PDE1C: variants seen among roughly 807,000 people sequenced by gnomAD.
PDE1C encodes phosphodiesterase 1C.
Under a neutral mutation model 93.1 loss-of-function variants are expected in PDE1C, and 62 were observed. The observed-to-expected ratio is 0.67, with a 90% CI of 0.54 to 0.82. The LOEUF (loss-of-function observed/expected upper bound fraction) is 0.82. PDE1C is among the 40% of genes least tolerant of loss of function. The probability of loss-of-function intolerance (pLI) is 0.00; values close to 1 mark genes in which losing one functional copy is unlikely to be tolerated. For synonymous variants in PDE1C, 325 were observed against 310.1 expected (o/e 1.05, Z -0.50); for missense variants, 742 against 884.6 (o/e 0.84, Z 2.04).
intron 2 of PDE1C, among the ~76,000 whole-genome samples, chr7:32,206,674 CA>C (rs1584957773): frequency 1.3e-5 from 2 of 152,206 alleles, no homozygotes; most frequent in East Asian, 3.9e-4. Context: ...ATGCGGCACC[CA>C]TGTGAGGTGC....
At chr7:32,078,212 C>G (rs932122665) in intron 3 of PDE1C, among the ~76,000 whole-genome samples, 1 of 152,178 alleles carries the variant, frequency 6.6e-6, no homozygotes, top group African/African-American at 2.4e-5. Context: ...TATCCAAGCT[C>G]CTAATTCTTC....
At chr7:32,404,850 G>A (rs16875954) in intron 1 of PDE1C, among the ~76,000 whole-genome samples, 1,875 of 152,254 alleles carry the variant, frequency 0.012, 42 homozygotes, top group African/African-American at 0.043. Flanking sequence ...ATGAACTGGC[G>A]TTGCACAGGC....
intron 3 of PDE1C, among the ~76,000 whole-genome samples, chr7:32,094,835 CT>C (rs1797665687): frequency 6.6e-6 from 1 of 152,210 alleles, no homozygotes; most frequent in Non-Finnish European, 1.5e-5. Context: ...CCAGCTCCAT[CT>C]CTTGTTTTGC....
intron 2 of PDE1C, among the ~76,000 whole-genome samples, chr7:32,189,309 T>C (rs1434435311): frequency 3.9e-5 from 6 of 152,234 alleles, no homozygotes; most frequent in Admixed American, 2.6e-4. Context: ...TGAAATACAC[T>C]TGACAAACAT....
intron 1 of PDE1C, among the ~76,000 whole-genome samples, chr7:32,319,723 T>C (rs1369845162): frequency 2.0e-5 from 3 of 152,214 alleles, no homozygotes; most frequent in East Asian, 1.9e-4. Flanking sequence ...CTGTCTTCAA[T>C]AGGTCTCTGC....
rs1789537246 is a variant in PDE1C, at chr7:31,825,522, G to C, written c.1286-535C>G. 2.0e-5 allele frequency among the ~76,000 whole-genome samples: 3 copies of C among 152,134 alleles called. No individual in the cohort carries two copies. The South Asian group carries it at 6.2e-4, about 31-fold the overall frequency. On this transcript the variant is annotated intron_variant, in intron 12 of 17. Coordinates refer to ENST00000396191, the MANE Select transcript of PDE1C (RefSeq NM_001191057.4). ...GGAGGCTTCTAAGTGTTCAGATAGA[G>C]GGTTGGGACTTAGGTGGACACTGGA...
In PDE1C at chr7:32,223,315, T is replaced by C. The variant is rs550535905; in HGVS notation, c.86-13776A>G. On this transcript the variant is annotated intron_variant, in intron 1 of 18. Coordinates refer to the PDE1C transcript ENST00000396193. ...ACAGACCGTTCCACGTGCACTTACA[T>C]GTGCAAACTCATGCAGTCTTTGTAA... is the stretch of plus-strand genomic sequence containing the variant. Among the ~76,000 whole-genome samples the C allele has an allele frequency of 5.3e-5, 8 of 152,364 alleles. No individual in the cohort carries two copies. The East Asian group carries it at 1.5e-3, about 29-fold the overall frequency.
the PDE1C span, among the ~76,000 whole-genome samples, chr7:31,678,864 G>A: frequency 4.6e-3 from 706 of 152,258 alleles, 4 homozygotes; most frequent in Non-Finnish European, 6.1e-3. Context: ...CAGCCTGGTC[G>A]AAGAGGTAAG....
chr7:31,886,410 G>A (rs1797883211), intron 2 of PDE1C, among the ~76,000 whole-genome samples: 1 of 152,146 alleles, frequency 6.6e-6, no homozygotes, highest in South Asian at 2.1e-4. Flanking sequence ...TATAATTAAT[G>A]ACAGCTGATT....
chr7:32,266,486 T>C (rs548992478), intron 1 of PDE1C, among the ~76,000 whole-genome samples: 3 of 150,518 alleles, frequency 2.0e-5, no homozygotes, highest in East Asian at 3.9e-4. Flanking sequence ...GGCAACAGAG[T>C]GAGACTCCGT....
chr7:32,033,140 C>A (rs1006893095), intron 2 of PDE1C, among the ~76,000 whole-genome samples: 3 of 152,108 alleles, frequency 2.0e-5, no homozygotes, highest in African/African-American at 7.2e-5. Context: ...AAGGGGCAGA[C>A]TCTCTCTTGA....
chr7:32,372,994 C>A lies in PDE1C; in HGVS notation c.310+54828G>T, dbSNP rs141994935. 9.9e-5 allele frequency among the ~76,000 whole-genome samples: 15 copies of A among 152,236 alleles called. 1 individual carries two copies. Among genetic ancestry groups the A allele is most frequent in the Admixed American group, 2.6e-4 (4 of 15,286 alleles). On this transcript the variant is annotated intron_variant, in intron 1 of 1. Transcript: ENST00000672256. ...GGAGAAGATGTGGAAAAATTAAAAC[C>A]CTAACATATTGTTAATGCAAATACA...
At chr7:31,639,068 C>T in the PDE1C span, among the ~76,000 whole-genome samples, 15 of 152,206 alleles carry the variant, frequency 9.9e-5, no homozygotes, top group African/African-American at 2.6e-4. Flanking sequence ...TGAGCCACTG[C>T]GCCCAGCCAG....
At chr7:32,182,496 T>C (rs1803512269) in intron 2 of PDE1C, among the ~76,000 whole-genome samples, 1 of 152,172 alleles carries the variant, frequency 6.6e-6, no homozygotes, top group Non-Finnish European at 1.5e-5. Flanking sequence ...TGGTTCAACA[T>C]ACGCAAATCA....
intron 7 of PDE1C, among the ~76,000 whole-genome samples, chr7:31,860,059 G>C (rs1050548897): frequency 6.6e-6 from 1 of 152,160 alleles, no homozygotes; most frequent in Non-Finnish European, 1.5e-5. Context: ...GGAAGTGCTG[G>C]AGGATTGGTA....
At chr7:31,980,110 T>C (rs902891784) in intron 2 of PDE1C, among the ~76,000 whole-genome samples, 1 of 152,166 alleles carries the variant, frequency 6.6e-6, no homozygotes, top group African/African-American at 2.4e-5. Flanking sequence ...TGCAGATGAC[T>C]GGTCTTCCAG....
At chr7:32,212,025 C>CAAAAA (rs35827566) in intron 1 of PDE1C, among the ~76,000 whole-genome samples, 13 of 81,204 alleles carry the variant, frequency 1.6e-4, no homozygotes, top group African/African-American at 2.3e-4. Flanking sequence ...GAACCTATCT[C>CAAAAA]AAAAAAAAAA....
At chr7:32,190,417 G>C (rs1250798065) in intron 2 of PDE1C, among the ~76,000 whole-genome samples, 2 of 152,186 alleles carry the variant, frequency 1.3e-5, no homozygotes, top group Non-Finnish European at 2.9e-5. Flanking sequence ...AGGTGTGCTA[G>C]ACATAGTGCT....
intron 2 of PDE1C, among the ~76,000 whole-genome samples, chr7:31,902,741 T>C (rs1346295724): frequency 2.0e-5 from 3 of 151,600 alleles, no homozygotes; most frequent in Admixed American, 1.3e-4. Context: ...TTTTTATAGC[T>C]ATCATTATCA....
Sources: gnomAD v4.1 joint callset for allele counts (sites outside exome capture counted in the v4.1 genomes callset) on GRCh38, gnomAD v4.1.1 for gene constraint, MANE v1.5 for transcripts, NCBI Gene and HGNC (gene_info 2026-07-23, HGNC 2026-07-21) for gene names.